The following PACS2 variants were observed in gnomAD, a reference collection of about 807,000 sequenced individuals.
PACS2 encodes the protein PACS1-like protein.
PACS2 carries 36 observed loss-of-function variants against 113.0 expected under a neutral mutation model. That is an observed-to-expected ratio of 0.32 (90% CI 0.24 to 0.42). The LOEUF is 0.42. Among genes scored for constraint, PACS2 ranks in the 10% least tolerant of loss-of-function variants. PACS2 has a pLI of 1.00. For missense variants in PACS2, 1,015 were observed against 1,239.5 expected, an observed-to-expected ratio of 0.82 and a Z score of 2.72; for synonymous variants, 589 against 536.1, an observed-to-expected ratio of 1.10 and a Z score of -1.36.
rs1555407613 is a variant in PACS2, at chr14:105,365,011, T to A, written c.424-2202T>A. Among the ~76,000 whole-genome samples the A allele has an allele frequency of 1.3e-5, 2 of 152,200 alleles. No individual in the cohort carries two copies. Among genetic ancestry groups the A allele is most frequent in the Non-Finnish European group, 2.9e-5 (2 of 68,024 alleles). On this transcript the variant is annotated intron_variant, in intron 4 of 24. Transcript: ENST00000447393. This position sits in a 1 kb window ranked among gnomAD's most constrained non-coding sequence, Gnocchi z 5.1. ...TTATGCCCGGCCTCAATTTTCCTAGTCACTAAAATCTATTTGAAAATGGAA... is the reference window on the plus strand; with the variant it reads ...TTATGCCCGGCCTCAATTTTCCTAGACACTAAAATCTATTTGAAAATGGAA...
rs1385976353 is a variant in PACS2, at chr14:105,340,532, T to G, written c.120-7961T>G. Reference sequence around the variant, plus strand: ...AGATTCTCATAAGCAGCGTGCAGCCTGGATCCCTCGCGTGCACAGTTACAA... The same window carrying G: ...AGATTCTCATAAGCAGCGTGCAGCCGGGATCCCTCGCGTGCACAGTTACAA... On this transcript the variant is annotated intron_variant, in intron 1 of 24. Coordinates refer to ENST00000447393, the MANE Select transcript of PACS2 (RefSeq NM_001100913.3). This position sits in a 1 kb window ranked among gnomAD's most constrained non-coding sequence, Gnocchi z 4.2. Among the ~76,000 whole-genome samples the G allele has an allele frequency of 6.6e-6, 1 of 152,222 alleles. No individual in the cohort carries two copies. Among genetic ancestry groups the G allele is most frequent in the Non-Finnish European group, 1.5e-5 (1 of 68,036 alleles).
At chr14:105,377,651 G>A (rs587712990) in intron 9 of PACS2, among the ~76,000 whole-genome samples, 36 of 152,292 alleles carry the variant, frequency 2.4e-4, no homozygotes, top group African/African-American at 7.9e-4. Context: ...TGTTGGAGGC[G>A]CGGCCCCAGT....
At chr14:105,302,531 T>C (rs930483114) in intron 1 of PACS2, among the ~76,000 whole-genome samples, 3 of 151,354 alleles carry the variant, frequency 2.0e-5, no homozygotes, top group African/African-American at 7.3e-5. Context: ...CTCTCATTTT[T>C]GTTAGATCCT....
upstream of PACS2, among the ~76,000 whole-genome samples, chr14:105,309,866 A>G (rs1566886710): frequency 6.8e-6 from 1 of 146,712 alleles, no homozygotes; most frequent in Admixed American, 7.0e-5. The surrounding 1 kb of genome is among the most constrained non-coding windows in gnomAD (Gnocchi z 4.0). Flanking sequence ...GCTCACTGCA[A>G]GCTCCGCCTC....
At position 105,348,876 on chromosome 14, in the gene PACS2, G is replaced by A. The variant is rs2060043029; in HGVS notation, c.207+296G>A. 2 of 354,840 alleles carry A rather than the reference G, an allele frequency of 5.6e-6. No individual in the cohort carries two copies. Among genetic ancestry groups the A allele is most frequent in the South Asian group, 2.7e-5 (1 of 36,898 alleles). 22.0% of individuals were successfully genotyped at this position (354,840 alleles called of 1,614,324 possible). A position where few individuals can be genotyped will look rare whatever the true frequency, so the allele number is the denominator to read the frequency against. ...AGTGATGGACGGGCCCCAAGCACCTGGAGCCAGGGCTTCCCTGCTGCACTC... is the reference window on the plus strand; with the variant it reads ...AGTGATGGACGGGCCCCAAGCACCTAGAGCCAGGGCTTCCCTGCTGCACTC... On this transcript the variant is annotated intron_variant, in intron 2 of 24. Coordinates refer to ENST00000447393, the MANE Select transcript of PACS2 (RefSeq NM_001100913.3). This position sits in a 1 kb window ranked among gnomAD's most constrained non-coding sequence, Gnocchi z 6.4.
chr14:105,376,860 C>T lies in PACS2; in HGVS notation c.894C>T (p.Pro298=), dbSNP rs1555410595. The T allele has an allele frequency of 6.2e-7, 1 of 1,613,046 alleles. No individual in the cohort carries two copies. Among genetic ancestry groups the T allele is most frequent in the Non-Finnish European group, 8.5e-7 (1 of 1,179,864 alleles). ...ATGACACCCTGGACATGGAGCACCC[C>T]AGCGACAGCGGCCCCGACATGGAGG... is the stretch of plus-strand genomic sequence containing the variant. ...LLYDTLDMEH[P]SDSGPDMEDD... Residue 298 remains proline (P), a synonymous_variant, in exon 9 of 25, where the codon CCC becomes CCT. Coordinates refer to ENST00000447393, the MANE Select transcript of PACS2 (RefSeq NM_001100913.3). The surrounding 1 kb of genome is among the most constrained non-coding windows in gnomAD (Gnocchi z 4.7).
intron 1 of PACS2, among the ~76,000 whole-genome samples, chr14:105,331,879 C>T (rs2059315766): frequency 6.6e-6 from 1 of 152,188 alleles, no homozygotes; most frequent in East Asian, 1.9e-4. Context: ...TTTTTGTCCC[C>T]CTCATACTTG....
intron 4 of PACS2, among the ~76,000 whole-genome samples, chr14:105,359,022 T>TA (rs2060566990): frequency 6.6e-6 from 1 of 152,200 alleles, no homozygotes. Flanking sequence ...ATAGCACAGT[T>TA]ACTTTATTCC....
chr14:105,367,510 CT>C (rs1454119340), intron 5 of PACS2, 135 bp downstream of exon 5: 1 of 853,990 alleles, frequency 1.2e-6, no homozygotes, highest in African/African-American at 1.7e-5. Context: ...AGTTGCTCTC[CT>C]GTCTGGAAGC....
At chr14:105,359,886 C>T (rs2060612419) in intron 4 of PACS2, among the ~76,000 whole-genome samples, 2 of 152,206 alleles carry the variant, frequency 1.3e-5, no homozygotes, top group Non-Finnish European at 2.9e-5. Flanking sequence ...CCACTGTACC[C>T]GGCCAAGTGT....
intron 1 of PACS2, among the ~76,000 whole-genome samples, chr14:105,334,881 C>T (rs587744566): frequency 2.6e-5 from 4 of 152,376 alleles, no homozygotes; most frequent in Admixed American, 2.6e-4. Flanking sequence ...GGAGTGTGTG[C>T]ATGGTATGGG....
intron 21 of PACS2, 74 bp downstream of exon 21, chr14:105,391,323 G>T: frequency 1.8e-6 from 2 of 1,139,422 alleles, no homozygotes; most frequent in Non-Finnish European, 2.7e-6. Context: ...TTCGAGTCCT[G>T]CAGACCAGAT....
chr14:105,300,870 G>A (rs2057987254), exon 1 of PACS2: 1 of 169,954 alleles, frequency 5.9e-6, no homozygotes, highest in Admixed American at 6.3e-5. Flanking sequence ...GCGAGGACTG[G>A]AGCCGCGACC....
At chr14:105,311,960 G>T (rs748551019), upstream of PACS2, among the ~76,000 whole-genome samples, 1 of 152,238 alleles carries the variant, frequency 6.6e-6, no homozygotes, top group Admixed American at 6.5e-5. Context: ...ACCTGGCCAC[G>T]TGGGGCTGCT....
chr14:105,384,059 C>A, intron 16 of PACS2: 1 of 411,510 alleles, frequency 2.4e-6, no homozygotes. Context: ...ATGCCGACGT[C>A]AGAGCCCTGA....
rs975122074 is a variant in PACS2, at chr14:105,323,712, T to A, written c.119+8675T>A. Among the ~76,000 whole-genome samples, 1 of 152,092 alleles carries A rather than the reference T, an allele frequency of 6.6e-6. No individual in the cohort carries two copies. Among genetic ancestry groups the A allele is most frequent in the African/African-American group, 2.4e-5 (1 of 41,412 alleles). ...ATGGGTGGGAGGTGTCGTGCAGGGC[T>A]TGGGACAGGGCTTTCGGAGGTGGTC... On this transcript the variant is annotated intron_variant, in intron 1 of 24. Transcript: ENST00000447393. The surrounding 1 kb of genome is among the most constrained non-coding windows in gnomAD (Gnocchi z 4.1).
chr14:105,310,618 T>C (rs2058328165), upstream of PACS2, among the ~76,000 whole-genome samples: 1 of 151,882 alleles, frequency 6.6e-6, no homozygotes, highest in African/African-American at 2.4e-5. Context: ...GTTTGTTGCG[T>C]TGGGTGAGGG....
chr14:105,359,154 C>T (rs2060573233), intron 4 of PACS2, among the ~76,000 whole-genome samples: 1 of 152,138 alleles, frequency 6.6e-6, no homozygotes. Flanking sequence ...CCCTACGCGG[C>T]GGTGCGTGGT....
chr14:105,317,113 C>T lies in PACS2; in HGVS notation c.119+2076C>T, dbSNP rs913324208. Among the ~76,000 whole-genome samples, 14 of 152,334 alleles carry T rather than the reference C, an allele frequency of 9.2e-5. No individual in the cohort carries two copies. Among genetic ancestry groups the T allele is most frequent in the Middle Eastern group, 3.4e-3 (1 of 294 alleles). On this transcript the variant is annotated intron_variant, in intron 1 of 24. Transcript: ENST00000447393. This position sits in a 1 kb window ranked among gnomAD's most constrained non-coding sequence, Gnocchi z 4.2. ...TGTTCCTCCTGAGTTCTTCTGTACT[C>T]CTCACTTTTGCCCAGCCATGAAGCT...
Sources: allele counts gnomAD v4.1 joint callset (sites outside exome capture counted in the v4.1 genomes callset), GRCh38; gene constraint gnomAD v4.1.1; non-coding constraint Gnocchi (gnomAD v3.1); transcripts MANE v1.5; gene names NCBI Gene and HGNC (gene_info 2026-07-23, HGNC 2026-07-21).